Variants in HEBP1 observed in about 807,000 individuals in gnomAD.
HEBP1 encodes the protein heme binding protein 1.
A neutral mutation model predicts 20.4 loss-of-function variants in HEBP1; 13 were observed. That is an observed-to-expected ratio of 0.64 (90% CI 0.42 to 1.01). The LOEUF is 1.01. Ranked by LOEUF, HEBP1 falls within the 50% of genes least tolerant of loss-of-function variation. The pLI is 0.00. For missense variants in HEBP1, 241 were observed against 247.3 expected (o/e 0.97, Z 0.17); for synonymous variants, 92 against 90.7 (o/e 1.01, Z -0.08).
At chr12:12,989,443 A>G (rs1266975796) in intron 1 of HEBP1, 28 bp from the exon 2 acceptor site, 2 of 1,612,742 alleles carry the variant, frequency 1.2e-6, no homozygotes, top group Non-Finnish European at 1.7e-6. Context: ...ACAGTGTTTA[A>G]GAGGTACAAA....
rs2136552461 is a variant in HEBP1 at position 12,996,433 on chromosome 12, C to A, written c.78+3604G>T. On this transcript the variant is annotated intron_variant, in intron 1 of 3. Transcript: ENST00000014930. This position sits in a 1 kb window ranked among gnomAD's most constrained non-coding sequence, Gnocchi z 4.1. ...CCTCCCTGAGCAATTAAGAAGGCACCTGATAAGGTCTGCGGCAGCACTGGC... is the reference window on the plus strand; with the variant it reads ...CCTCCCTGAGCAATTAAGAAGGCACATGATAAGGTCTGCGGCAGCACTGGC... 6.6e-6 allele frequency among the ~76,000 whole-genome samples: 1 copy of A among 152,294 alleles called. No homozygotes were observed. The highest frequency in any genetic ancestry group is 1.5e-5 in the Non-Finnish European group (1 of 68,026).
Position 12,975,224 on chromosome 12 carries a change from C to T in HEBP1, c.*84G>A. ...GGTTAAGTTGGACTTGCAGCTGGAA[C>T]TTGGGAAGCACTGTCCCCTCCTTAC... On this transcript the variant is annotated 3_prime_UTR_variant, in exon 4 of 4. Transcript: ENST00000014930. The T allele has an allele frequency of 7.5e-7, 1 of 1,329,668 alleles. No homozygotes were observed. Among genetic ancestry groups the T allele is most frequent in the Non-Finnish European group, 1.0e-6 (1 of 958,088 alleles). 82.4% of individuals were successfully genotyped at this position (1,329,668 alleles called of 1,614,324 possible).
chr12:12,987,608 C>T (rs868103320), intron 2 of HEBP1, among the ~76,000 whole-genome samples: 15 of 48,248 alleles, frequency 3.1e-4, no homozygotes, highest in South Asian at 2.8e-3. Flanking sequence ...CTCTCTCTCT[C>T]TCTTTCTCTC....
chr12:12,980,572 T>A (rs1864066718), intron 3 of HEBP1: 1 of 152,314 alleles, frequency 6.6e-6, no homozygotes, highest in South Asian at 2.1e-4. Flanking sequence ...ATGAATAGTA[T>A]GACAACCTTC....
At chr12:12,997,998 G>A (rs926472230) in intron 1 of HEBP1, among the ~76,000 whole-genome samples, 1 of 152,096 alleles carries the variant, frequency 6.6e-6, no homozygotes, top group East Asian at 1.9e-4. Flanking sequence ...TGTTGGCTTG[G>A]GTGGGTCCTT....
chr12:12,990,382 T>C (rs1453137493), intron 1 of HEBP1, among the ~76,000 whole-genome samples: 1 of 151,534 alleles, frequency 6.6e-6, no homozygotes, highest in Non-Finnish European at 1.5e-5. Flanking sequence ...CTCCCTATGT[T>C]GTACAGGCTG....
intron 1 of HEBP1, among the ~76,000 whole-genome samples, chr12:12,999,186 C>G (rs1378312579): frequency 6.6e-6 from 1 of 152,242 alleles, no homozygotes; most frequent in African/African-American, 2.4e-5. Context: ...CCAAGCCCCC[C>G]AGTGGATACC....
At chr12:12,982,271 A>C (rs1397213230) in intron 3 of HEBP1, among the ~76,000 whole-genome samples, 1 of 152,236 alleles carries the variant, frequency 6.6e-6, no homozygotes, top group Non-Finnish European at 1.5e-5. Context: ...AAAGCAAAAT[A>C]AAGCTGGATA....
At chr12:12,981,381 G>A (rs902888686) in intron 3 of HEBP1, among the ~76,000 whole-genome samples, 4 of 152,120 alleles carry the variant, frequency 2.6e-5, no homozygotes, top group Non-Finnish European at 4.4e-5. Flanking sequence ...GTTGACCCGG[G>A]CATCATCTAC....
At chr12:12,994,608 C>A (rs754622902) in intron 1 of HEBP1, among the ~76,000 whole-genome samples, 1 of 152,150 alleles carries the variant, frequency 6.6e-6, no homozygotes, top group African/African-American at 2.4e-5. Context: ...CCATGATACA[C>A]CTATCATCCT....
At chr12:12,990,118 A>G (rs909318423) in intron 1 of HEBP1, among the ~76,000 whole-genome samples, 583 of 5,500 alleles carry the variant, frequency 0.11, 1 homozygote, top group Middle Eastern at 0.5. Context: ...CTCTCTGTGC[A>G]CACACACACA....
Position 12,982,315 on chromosome 12 carries a change from T to C in HEBP1, c.398+4837A>G, listed in dbSNP as rs544090639. ...GAAAAGGACAGGGTGCTATTTTCAA[T>C]AGAACGGCTGGACAAGGCCCCTTTT... is the stretch of plus-strand genomic sequence containing the variant. On this transcript the variant is annotated intron_variant, in intron 3 of 3. Coordinates refer to ENST00000014930, the MANE Select transcript of HEBP1 (RefSeq NM_015987.5). Among the ~76,000 whole-genome samples the C allele has an allele frequency of 2.0e-4, 31 of 152,294 alleles. No individual in the cohort carries two copies. The South Asian group carries it at 6.4e-3, about 32-fold the overall frequency.
rs896367767 is a variant in HEBP1, at chr12:12,998,972, T to C, written c.78+1065A>G. ...CTGGCCAAAAGCAATGGTACAGCTC[T>C]GGGCCTTTGTGCATGCTCTTCTCTG... is the stretch of plus-strand genomic sequence containing the variant. On this transcript the variant is annotated intron_variant, in intron 1 of 3. Transcript: ENST00000014930. The surrounding 1 kb of genome is among the most constrained non-coding windows in gnomAD (Gnocchi z 4.2). Among the ~76,000 whole-genome samples, 1 of 152,240 alleles carries C rather than the reference T, an allele frequency of 6.6e-6. No homozygotes were observed. Among genetic ancestry groups the C allele is most frequent in the African/African-American group, 2.4e-5 (1 of 41,458 alleles).
chr12:12,987,612 T>TCTCTTTCTCTCTCTCTC (rs1230851526), intron 2 of HEBP1, among the ~76,000 whole-genome samples: 3 of 117,786 alleles, frequency 2.5e-5, no homozygotes, highest in African/African-American at 9.2e-5. Context: ...CTCTCTCTCT[T>TCTCTTTCTCTCTCTCTC]TCTCTCTCTC....
chr12:12,987,810 T>C (rs1036504980), intron 2 of HEBP1, among the ~76,000 whole-genome samples: 2 of 152,108 alleles, frequency 1.3e-5, no homozygotes, highest in Non-Finnish European at 2.9e-5. Flanking sequence ...CTTATTTTTG[T>C]ATTTTTAGTA....
At position 12,996,558 on chromosome 12, in the gene HEBP1, G is replaced by A. The variant is rs981442726; in HGVS notation, c.78+3479C>T. On this transcript the variant is annotated intron_variant, in intron 1 of 3. Coordinates refer to ENST00000014930, the MANE Select transcript of HEBP1 (RefSeq NM_015987.5). This position sits in a 1 kb window ranked among gnomAD's most constrained non-coding sequence, Gnocchi z 4.1. ...ATGCCATCATTTGCCCAGGAGAGTG[G>A]ACAATAGTTTCTGACCCAGGCTGTT... Among the ~76,000 whole-genome samples the A allele has an allele frequency of 6.6e-6, 1 of 152,074 alleles. No individual in the cohort carries two copies. The highest frequency in any genetic ancestry group is 1.5e-5 in the Non-Finnish European group (1 of 68,018).
chr12:12,985,432 T>C (rs1864139556), intron 3 of HEBP1, among the ~76,000 whole-genome samples: 1 of 152,118 alleles, frequency 6.6e-6, no homozygotes, highest in South Asian at 2.1e-4. Context: ...GATTTCATGA[T>C]CTTATATGCT....
At chr12:12,992,419 G>T (rs1864235070) in intron 1 of HEBP1, among the ~76,000 whole-genome samples, 1 of 152,152 alleles carries the variant, frequency 6.6e-6, no homozygotes, top group South Asian at 2.1e-4. Flanking sequence ...GGACAGACTG[G>T]TCTCGAACTC....
In HEBP1 at chr12:12,996,210, G is replaced by T. The variant is rs538707584; in HGVS notation, c.78+3827C>A. 8.5e-5 allele frequency among the ~76,000 whole-genome samples: 13 copies of T among 152,196 alleles called. No individual in the cohort carries two copies. The highest frequency in any genetic ancestry group is 1.9e-4 in the Non-Finnish European group (13 of 68,040). On this transcript the variant is annotated intron_variant, in intron 1 of 3. Coordinates refer to ENST00000014930, the MANE Select transcript of HEBP1 (RefSeq NM_015987.5). This position sits in a 1 kb window ranked among gnomAD's most constrained non-coding sequence, Gnocchi z 4.1. ...ATCTTCATTTTCAGATGAAACTGGG[G>T]AACAAGAGGTTAAGTAACATGCCCA...
Sources: gnomAD v4.1 joint callset for allele counts (sites outside exome capture counted in the v4.1 genomes callset) on GRCh38, gnomAD v4.1.1 for gene constraint, Gnocchi (gnomAD v3.1) non-coding constraint, MANE v1.5 for transcripts, NCBI Gene and HGNC (gene_info 2026-07-23, HGNC 2026-07-21) for gene names.